Variants in UNC13A observed in about 807,000 individuals in gnomAD.
UNC13A encodes the protein unc-13 homolog A, also known as protein unc-13 homolog A.
Under a neutral mutation model 219.7 loss-of-function variants are expected in UNC13A, and 61 were observed. The observed-to-expected ratio is 0.28, with a 90% CI of 0.23 to 0.34. The LOEUF is 0.34. UNC13A is among the 10% of genes least tolerant of loss of function. The pLI, the probability that UNC13A is intolerant of heterozygous loss-of-function variation, is 1.00. For synonymous variants in UNC13A, 920 were observed against 884.6 expected (o/e 1.04, Z -0.71); for missense variants, 1,476 against 2,270.3 (o/e 0.65, Z 7.11).
At chr19:17,635,056 A>G (rs1444625558) in intron 26 of UNC13A, among the ~76,000 whole-genome samples, 2 of 151,976 alleles carry the variant, frequency 1.3e-5, no homozygotes, top group Non-Finnish European at 2.9e-5. Context: ...TTTTTAGTAG[A>G]GACAAGGTTT....
At chr19:17,659,899 C>T (rs1171523220) in intron 8 of UNC13A, among the ~76,000 whole-genome samples, 1 of 152,168 alleles carries the variant, frequency 6.6e-6, no homozygotes, top group African/African-American at 2.4e-5. Flanking sequence ...CAGACTTTTG[C>T]TGTATTCATC....
chr19:17,672,700 T>C (rs1254367369), intron 3 of UNC13A, among the ~76,000 whole-genome samples: 1 of 151,988 alleles, frequency 6.6e-6, no homozygotes, highest in Admixed American at 6.6e-5. Flanking sequence ...GCTCGGGGTA[T>C]CACAAAAGAA....
In UNC13A at chr19:17,618,501, C is replaced by A; in HGVS notation, c.4330G>T (p.Asp1444Tyr). ...KELGQLSKLK[D>Y]HMVREEAKSL... is the part of the protein sequence containing the mutation. Reference sequence around the variant, plus strand: ...TTGGCTTCTTCTCGTACCATGTGATCCTGGATGGATGGGGAGAGGGGCCAT... The same window carrying A: ...TTGGCTTCTTCTCGTACCATGTGATACTGGATGGATGGGGAGAGGGGCCAT... Residue 1444 changes from aspartate (D) to tyrosine (Y), a missense_variant and splice_region_variant, in exon 40 of 44, where the codon GAT becomes TAT. Physicochemically the swap from Asp to Tyr is radical, Grantham distance 160. This residue lies in a region of UNC13A where 75 missense variants were observed against 100.2 expected (regional missense o/e 0.75). Coordinates refer to ENST00000519716, the MANE Select transcript of UNC13A (RefSeq NM_001080421.3). 1 of 1,588,070 alleles carries A rather than the reference C, an allele frequency of 6.3e-7. No individual in the cohort carries two copies. Among genetic ancestry groups the A allele is most frequent in the Non-Finnish European group, 8.6e-7 (1 of 1,167,072 alleles).
At chr19:17,651,201 G>T (rs2079340747) in intron 12 of UNC13A, among the ~76,000 whole-genome samples, 1 of 151,730 alleles carries the variant, frequency 6.6e-6, no homozygotes, top group Non-Finnish European at 1.5e-5. Flanking sequence ...GCCTCCCAAA[G>T]TGCTGGGATT....
intron 8 of UNC13A, among the ~76,000 whole-genome samples, chr19:17,661,279 T>C (rs1163647020): frequency 1.3e-5 from 2 of 152,124 alleles, no homozygotes; most frequent in African/African-American, 4.8e-5. Flanking sequence ...TAAATTGTGG[T>C]GGACCAAAGT....
chr19:17,629,160 A>C, intron 31 of UNC13A, 80 bp downstream of exon 31: 124 of 1,171,462 alleles, frequency 1.1e-4, no homozygotes, highest in Non-Finnish European at 1.3e-4. Flanking sequence ...CCCAGGTGTC[A>C]GGGCCCTGGG....
chr19:17,640,716 G>C, intron 21 of UNC13A, 55 bp from the exon 22 acceptor site: 4 of 1,494,942 alleles, frequency 2.7e-6, no homozygotes, highest in Non-Finnish European at 3.6e-6. Context: ...GATGGACCAA[G>C]ATCCCCCCTA....
At chr19:17,660,476 A>G (rs1458292680) in intron 8 of UNC13A, among the ~76,000 whole-genome samples, 1 of 151,272 alleles carries the variant, frequency 6.6e-6, no homozygotes, top group African/African-American at 2.4e-5. Flanking sequence ...TTTTTGACCC[A>G]ATTATCTATC....
chr19:17,646,346 C>T (rs940308775), intron 17 of UNC13A, among the ~76,000 whole-genome samples: 2 of 152,044 alleles, frequency 1.3e-5, no homozygotes, highest in South Asian at 2.1e-4. Flanking sequence ...CTCCGCCTCC[C>T]GGGTTCAAGC....
intron 4 of UNC13A, among the ~76,000 whole-genome samples, chr19:17,670,398 T>G (rs8103077): frequency 0.84 from 127,369 of 151,740 alleles, 54,009 homozygotes; most frequent in Middle Eastern, 0.92. Context: ...GTGCCAGCAC[T>G]CCTGGCTAAT....
At chr19:17,681,995 C>T (rs1329827859) in intron 1 of UNC13A, among the ~76,000 whole-genome samples, 1 of 148,354 alleles carries the variant, frequency 6.7e-6, no homozygotes, top group Non-Finnish European at 1.5e-5. Context: ...CTCTGTAGCC[C>T]AAGCTGGAGT....
At chr19:17,639,808 G>T in intron 23 of UNC13A, 32 bp downstream of exon 23, 2 of 1,611,436 alleles carry the variant, frequency 1.2e-6, no homozygotes, top group Non-Finnish European at 1.7e-6. Context: ...ATGTGCGTGG[G>T]GTGAGCAAAT....
chr19:17,653,254 A>G (rs951823795), intron 11 of UNC13A, among the ~76,000 whole-genome samples: 5 of 151,850 alleles, frequency 3.3e-5, no homozygotes, highest in African/African-American at 9.7e-5. Context: ...TCCTGGCCTC[A>G]TGTGATCTTC....
At chr19:17,614,986 C>A (rs918788861) in intron 41 of UNC13A, among the ~76,000 whole-genome samples, 5 of 152,150 alleles carry the variant, frequency 3.3e-5, no homozygotes, top group Non-Finnish European at 7.4e-5. Flanking sequence ...TGGGTGCCCC[C>A]ATCCCGTGCT....
chr19:17,680,895 T>TTTTTTTTTTTTTTTTTTTTG lies in UNC13A; in HGVS notation c.23-4855_23-4854insCAAAAAAAAAAAAAAAAAAA. Among the ~76,000 whole-genome samples, 2 of 98,616 alleles carry TTTTTTTTTTTTTTTTTTTTG rather than the reference T, an allele frequency of 2.0e-5. 1 individual carries two copies. Among genetic ancestry groups the TTTTTTTTTTTTTTTTTTTTG allele is most frequent in the Non-Finnish European group, 4.2e-5 (2 of 47,844 alleles). The allele number at this position is 98,616 out of a possible 152,430, so 64.7% of individuals were successfully genotyped here. ...TTTTTTTTTCTTTTCTTTTCTTTTT[T>TTTTTTTTTTTTTTTTTTTTG]TTTTTTTTTTTTTTTTTGACAGGGT... On this transcript the variant is annotated intron_variant, in intron 1 of 43. Transcript: ENST00000519716.
chr19:17,670,271 C>G (rs1176021523), intron 4 of UNC13A, among the ~76,000 whole-genome samples: 2 of 150,970 alleles, frequency 1.3e-5, no homozygotes, highest in Non-Finnish European at 3.0e-5. Flanking sequence ...GAGACAGAGT[C>G]TCTCTATCAC....
At chr19:17,664,017 C>G (rs2079598840) in intron 7 of UNC13A, among the ~76,000 whole-genome samples, 2 of 150,638 alleles carry the variant, frequency 1.3e-5, no homozygotes, top group Admixed American at 6.6e-5. Context: ...ATGGATCTTG[C>G]TATGTTGGTC....
chr19:17,617,708 C>T lies in UNC13A; in HGVS notation c.4552G>A (p.Ala1518Thr). 6.2e-7 allele frequency: 1 copy of T among 1,613,566 alleles called. No homozygotes were observed. The highest frequency in any genetic ancestry group is 8.5e-7 in the Non-Finnish European group (1 of 1,179,546). ...GCGGTCTGGGTACCCTTACCCTGGG[C>T]CGATTGCGTCTGTACAAAGGTCTTG... ...LIKTFVQTQS[A>T]QGLGVEDPVG... The change falls in exon 41 of 44, where the codon GCC becomes ACC. Residue 1518 changes from alanine to threonine, a missense_variant. By Grantham distance (58) the Ala-to-Thr change is moderately conservative (BLOSUM62 0). Coordinates refer to ENST00000519716, the MANE Select transcript of UNC13A (RefSeq NM_001080421.3).
At chr19:17,628,360 A>G in intron 31 of UNC13A, 1 of 213,742 alleles carries the variant, frequency 4.7e-6, no homozygotes, top group South Asian at 7.7e-5. Flanking sequence ...CCACAGATAC[A>G]CACACTCAGA....
Sources: allele counts gnomAD v4.1 joint callset (sites outside exome capture counted in the v4.1 genomes callset), GRCh38; gene constraint gnomAD v4.1.1; regional missense constraint gnomAD v4.1.1; transcripts MANE v1.5; gene names NCBI Gene and HGNC (gene_info 2026-07-23, HGNC 2026-07-21).